USP34: variants seen among roughly 807,000 people sequenced by gnomAD.
The protein encoded by USP34 is ubiquitin carboxyl-terminal hydrolase 34.
USP34 carries 70 observed loss-of-function variants against 460.3 expected under a neutral mutation model. The observed-to-expected ratio is 0.15, with a 90% CI of 0.13 to 0.19. USP34 has a LOEUF of 0.19. Among genes scored for constraint, USP34 ranks in the 10% least tolerant of loss-of-function variants. The pLI is 1.00. For missense variants in USP34, 3,985 were observed against 4,236.2 expected (o/e 0.94, Z 1.65); for synonymous variants, 1,647 against 1,405.3 (o/e 1.17, Z -3.85).
chr2:61,288,910 T>A (rs1036784117), intron 33 of USP34, 33 bp from the exon 34 acceptor site: 2 of 1,600,008 alleles, frequency 1.2e-6, no homozygotes, highest in Admixed American at 1.7e-5. Flanking sequence ...AATTCCCTAT[T>A]TTCATTAATT....
chr2:61,368,431 C>CA (rs544622497), intron 10 of USP34, among the ~76,000 whole-genome samples: 2,850 of 133,286 alleles, frequency 0.021, 81 homozygotes, highest in African/African-American at 0.071. Flanking sequence ...GACTCCATCT[C>CA]AAAAAAAAAA....
At chr2:61,353,057 T>G (rs979743571) in intron 10 of USP34, among the ~76,000 whole-genome samples, 2 of 152,204 alleles carry the variant, frequency 1.3e-5, no homozygotes, top group African/African-American at 4.8e-5. Context: ...GCTACCCATT[T>G]CTGACACGCA....
intron 10 of USP34, among the ~76,000 whole-genome samples, chr2:61,367,800 A>G (rs1292806579): frequency 6.6e-6 from 1 of 152,148 alleles, no homozygotes; most frequent in Non-Finnish European, 1.5e-5. Flanking sequence ...AAAAAGAAAA[A>G]GAGTATCATA....
At chr2:61,243,463 A>C (rs1179533378) in intron 51 of USP34, among the ~76,000 whole-genome samples, 1 of 152,150 alleles carries the variant, frequency 6.6e-6, no homozygotes, top group East Asian at 1.9e-4. Context: ...CATTTTTTAA[A>C]GATACTTTAC....
intron 1 of USP34, among the ~76,000 whole-genome samples, chr2:61,431,241 G>T (rs1489062834): frequency 6.6e-6 from 1 of 151,976 alleles, no homozygotes; most frequent in Admixed American, 6.6e-5. Flanking sequence ...TGTTTGTTTA[G>T]AGAAGAGATT....
intron 2 of USP34, chr2:61,416,953 G>T (rs1424105288): frequency 1.9e-5 from 24 of 1,259,738 alleles, no homozygotes; most frequent in Non-Finnish European, 1.7e-5. Context: ...ACAGCCATCT[G>T]GGATGAGCCG....
intron 75 of USP34, chr2:61,200,284 T>G (rs904310699): frequency 2.0e-5 from 3 of 152,372 alleles, no homozygotes; most frequent in African/African-American, 7.2e-5. Context: ...TGTTTTTAAG[T>G]ATCAAAATAC....
Position 61,188,848 on chromosome 2 carries a change from C to T in USP34, c.10033+62G>A, listed in dbSNP as rs139164389. 427 of 1,594,850 alleles carry T rather than the reference C, an allele frequency of 2.7e-4. 2 individuals are homozygous for T. In the African/African-American group the frequency reaches 4.9e-3, roughly 18 times the overall value. On this transcript the variant is annotated intron_variant, in intron 79 of 79. Coordinates refer to ENST00000398571, the MANE Select transcript of USP34 (RefSeq NM_014709.4). Reference sequence around the variant, plus strand: ...GAACACACAACTCTTAAACCAGTTACACCAAGTGTATTACTCCCTCCTCCC... The same window carrying T: ...GAACACACAACTCTTAAACCAGTTATACCAAGTGTATTACTCCCTCCTCCC...
chr2:61,430,640 T>G (rs1056184453), intron 1 of USP34, among the ~76,000 whole-genome samples: 1 of 152,248 alleles, frequency 6.6e-6, no homozygotes, highest in African/African-American at 2.4e-5. Context: ...ACAATTTAGT[T>G]AATTTTTAAA....
In USP34 at chr2:61,464,286, T is replaced by G. The variant is rs1008804626; in HGVS notation, c.43+6364A>C. 9.2e-5 allele frequency among the ~76,000 whole-genome samples: 14 copies of G among 152,190 alleles called. No homozygotes were observed. The East Asian group carries it at 2.5e-3, about 27-fold the overall frequency. ...GTGAGCTGAGATCGTGCCATTGCAC[T>G]GCAGCCTGGGCAACAGAGTGAGACT... On this transcript the variant is annotated intron_variant, in intron 1 of 79. Coordinates refer to ENST00000398571, the MANE Select transcript of USP34 (RefSeq NM_014709.4).
In USP34 at chr2:61,265,584, T is replaced by TC. The variant is rs756862222; in HGVS notation, c.5618-28dup. ...TGCTGAAGAAAGAGGGAGGAAAAGA[T>TC]CCCCCCCAAACAAACTATGAAACAC... On this transcript the variant is annotated intron_variant, in intron 42 of 79. Coordinates refer to ENST00000398571, the MANE Select transcript of USP34 (RefSeq NM_014709.4). The TC allele has an allele frequency of 3.1e-5, 49 of 1,571,226 alleles. 3 individuals are homozygous for TC. The East Asian group carries it at 4.3e-4, about 14-fold the overall frequency.
At chr2:61,391,257 G>C (rs1693337005) in intron 5 of USP34, among the ~76,000 whole-genome samples, 2 of 152,010 alleles carry the variant, frequency 1.3e-5, no homozygotes, top group African/African-American at 4.8e-5. Context: ...ACCAGCCTGG[G>C]GAACATGGTG....
chr2:61,309,535 T>C (rs1690521229), intron 27 of USP34, among the ~76,000 whole-genome samples: 1 of 152,200 alleles, frequency 6.6e-6, no homozygotes, highest in South Asian at 2.1e-4. Flanking sequence ...TACTATCTTC[T>C]CTATGTTACA....
chr2:61,435,707 C>G (rs1694793734), intron 1 of USP34, among the ~76,000 whole-genome samples: 1 of 152,106 alleles, frequency 6.6e-6, no homozygotes, highest in East Asian at 1.9e-4. Context: ...ATACCTTGAG[C>G]ACAAATGATT....
chr2:61,416,653 G>A (rs1011441472), intron 2 of USP34, among the ~76,000 whole-genome samples: 5 of 152,058 alleles, frequency 3.3e-5, no homozygotes, highest in Admixed American at 1.3e-4. Context: ...TTGCAGATCC[G>A]TATATTCCCT....
intron 1 of USP34, among the ~76,000 whole-genome samples, chr2:61,436,027 C>CA (rs962672410): frequency 6.6e-6 from 1 of 151,502 alleles, no homozygotes; most frequent in Non-Finnish European, 1.5e-5. Context: ...GACACCATCT[C>CA]AAAAAATATA....
Position 61,423,534 on chromosome 2 carries a change from G to A in USP34, c.44-2701C>T, listed in dbSNP as rs540798219. On this transcript the variant is annotated intron_variant, in intron 1 of 79. Transcript: ENST00000398571. Reference sequence around the variant, plus strand: ...TGAAAACTACAAAATGTTGCTAAAAGGAATTAAAGAAGATGTAAATAAATG... The same window carrying A: ...TGAAAACTACAAAATGTTGCTAAAAAGAATTAAAGAAGATGTAAATAAATG... Among the ~76,000 whole-genome samples the A allele has an allele frequency of 3.3e-5, 5 of 152,282 alleles. No individual in the cohort carries two copies. In the East Asian group the frequency reaches 9.6e-4, roughly 29 times the overall value.
chr2:61,259,636 T>G, intron 44 of USP34, 75 bp downstream of exon 44: 1 of 1,409,520 alleles, frequency 7.1e-7, no homozygotes, highest in Non-Finnish European at 9.9e-7. Context: ...TCCACCCACC[T>G]TGGCCTCCCA....
chr2:61,357,643 G>T (rs181874599), intron 10 of USP34, among the ~76,000 whole-genome samples: 2 of 152,302 alleles, frequency 1.3e-5, no homozygotes, highest in African/African-American at 4.8e-5. Context: ...CATGCCTGTT[G>T]TAATACTCTC....
Sources: allele counts gnomAD v4.1 joint callset (sites outside exome capture counted in the v4.1 genomes callset), GRCh38; gene constraint gnomAD v4.1.1; transcripts MANE v1.5; gene names NCBI Gene and HGNC (gene_info 2026-07-23, HGNC 2026-07-21).